Variants in EPHA3 observed in about 807,000 individuals in gnomAD.
EPHA3 encodes ephrin type-A receptor 3.
Under a neutral mutation model 107.1 loss-of-function variants are expected in EPHA3, and 42 were observed. The ratio of observed to expected loss-of-function variants is 0.39; its 90% CI spans 0.31 to 0.51. The LOEUF (loss-of-function observed/expected upper bound fraction) is 0.51, where lower values mean the gene tolerates loss of function less well. EPHA3 is among the 20% of genes least tolerant of loss of function. The pLI, the probability that EPHA3 is intolerant of heterozygous loss-of-function variation, is 0.78. For synonymous variants in EPHA3, 461 were observed against 424.8 expected (o/e 1.09, Z -1.05); for missense variants, 1,183 against 1,211.2 (o/e 0.98, Z 0.35).
At chr3:89,439,374 C>T (rs1257241779) in intron 13 of EPHA3, among the ~76,000 whole-genome samples, 1 of 152,076 alleles carries the variant, frequency 6.6e-6, no homozygotes, top group Non-Finnish European at 1.5e-5. Flanking sequence ...GGGAGGGTCG[C>T]TTGAGCCCAG....
At chr3:89,138,305 C>A (rs1559748431) in intron 2 of EPHA3, among the ~76,000 whole-genome samples, 1 of 151,728 alleles carries the variant, frequency 6.6e-6, no homozygotes, top group East Asian at 1.9e-4. Context: ...CTCATGTATT[C>A]TTGGAATTTA....
At position 89,127,270 on chromosome 3, in the gene EPHA3, T is replaced by A; in HGVS notation, c.150T>A (p.His50Gln). The A allele has an allele frequency of 6.2e-7, 1 of 1,611,374 alleles. No individual in the cohort carries two copies. Among genetic ancestry groups the A allele is most frequent in the Non-Finnish European group, 8.5e-7 (1 of 1,177,836 alleles). ...TGGGCTGGATCTCTTATCCATCACA[T>A]GGGGTGAGTTCAATAAACTATCACA... Reference protein sequence around the residue: ...GELGWISYPSHGWEEISGVDE... With the variant: ...GELGWISYPSQGWEEISGVDE... The change falls in exon 2 of 17, where the codon CAT (histidine) becomes CAA (glutamine). Residue 50 changes from histidine (H) to glutamine (Q), a missense_variant. Physicochemically the swap from His to Gln is conservative, Grantham distance 24. Transcript: ENST00000336596.
At chr3:89,380,733 A>G (rs1024257729) in intron 5 of EPHA3, among the ~76,000 whole-genome samples, 1 of 151,912 alleles carries the variant, frequency 6.6e-6, no homozygotes, top group Non-Finnish European at 1.5e-5. Context: ...TAAGTGTACT[A>G]TAAACTGTGA....
chr3:89,109,396 T>G (rs1483446221), intron 1 of EPHA3, among the ~76,000 whole-genome samples: 1 of 152,046 alleles, frequency 6.6e-6, no homozygotes, highest in Non-Finnish European at 1.5e-5. Flanking sequence ...AAATTTTTGT[T>G]CTTTGCAGAT....
chr3:89,445,269 T>G (rs1023284186), intron 13 of EPHA3, among the ~76,000 whole-genome samples: 3 of 152,044 alleles, frequency 2.0e-5, no homozygotes, highest in African/African-American at 7.3e-5. Context: ...ACTTCAACAC[T>G]AAAATTGGGC....
At chr3:89,268,876 A>G (rs1216388537) in intron 3 of EPHA3, among the ~76,000 whole-genome samples, 1 of 151,744 alleles carries the variant, frequency 6.6e-6, no homozygotes, top group Non-Finnish European at 1.5e-5. Flanking sequence ...GTGATAAATG[A>G]TATAATTTTT....
chr3:89,345,224 C>T (rs1224563000), intron 5 of EPHA3, among the ~76,000 whole-genome samples: 2 of 151,070 alleles, frequency 1.3e-5, no homozygotes, highest in African/African-American at 4.8e-5. Flanking sequence ...ATGTATGTGG[C>T]CTTGGGGTTT....
At chr3:89,278,049 G>A (rs907163022) in intron 3 of EPHA3, among the ~76,000 whole-genome samples, 1 of 152,078 alleles carries the variant, frequency 6.6e-6, no homozygotes, top group Non-Finnish European at 1.5e-5. Flanking sequence ...TTTATGATGG[G>A]TTTATACTTT....
At chr3:89,125,318 G>T (rs1559742079) in intron 1 of EPHA3, among the ~76,000 whole-genome samples, 1 of 151,524 alleles carries the variant, frequency 6.6e-6, no homozygotes, top group East Asian at 1.9e-4. Context: ...TTAAATGATT[G>T]GTATCACACA....
At chr3:89,397,824 C>T (rs1708881118) in intron 6 of EPHA3, among the ~76,000 whole-genome samples, 1 of 152,144 alleles carries the variant, frequency 6.6e-6, no homozygotes, top group African/African-American at 2.4e-5. Context: ...CTCAGGTGAT[C>T]CACCCGCCTG....
chr3:89,331,334 A>G (rs952941142), intron 3 of EPHA3, among the ~76,000 whole-genome samples: 8 of 152,218 alleles, frequency 5.3e-5, no homozygotes, highest in African/African-American at 1.9e-4. Flanking sequence ...CAACAAAATT[A>G]TATATACATT....
chr3:89,241,994 A>C (rs1704907151), intron 3 of EPHA3, among the ~76,000 whole-genome samples: 1 of 152,188 alleles, frequency 6.6e-6, no homozygotes, highest in Non-Finnish European at 1.5e-5. Flanking sequence ...TCTCTGCATC[A>C]GAAAACAAGA....
chr3:89,200,101 C>T (rs938704719), intron 2 of EPHA3, among the ~76,000 whole-genome samples: 59 of 152,184 alleles, frequency 3.9e-4, no homozygotes, highest in African/African-American at 1.4e-3. Flanking sequence ...GAACAGCTAT[C>T]CTGTCTATCT....
chr3:89,397,764 G>C (rs183521760), intron 6 of EPHA3, among the ~76,000 whole-genome samples: 1,717 of 152,164 alleles, frequency 0.011, 38 homozygotes, highest in African/African-American at 0.039. Flanking sequence ...TGTATTTTTA[G>C]TAGAGATGAG....
At chr3:89,290,162 T>C (rs185821493) in intron 3 of EPHA3, among the ~76,000 whole-genome samples, 1 of 152,254 alleles carries the variant, frequency 6.6e-6, no homozygotes, top group Admixed American at 6.6e-5. Context: ...TTTCTTCTTA[T>C]CATTCTAACT....
intron 3 of EPHA3, among the ~76,000 whole-genome samples, chr3:89,291,467 A>G (rs1706204699): frequency 6.6e-6 from 1 of 152,164 alleles, no homozygotes; most frequent in Admixed American, 6.6e-5. Flanking sequence ...AGAGACAGAT[A>G]TATAGAGATA....
intron 2 of EPHA3, among the ~76,000 whole-genome samples, chr3:89,165,621 ATGTTATTACCTTCAAAAAAATG>A (rs1383742162): frequency 6.6e-6 from 1 of 152,152 alleles, no homozygotes; most frequent in Non-Finnish European, 1.5e-5. Flanking sequence ...TTAATTTTTA[ATGTTATTACCTTCAAAAAAATG>A]TGTTACTTTT....
chr3:89,435,713 G>A (rs1709656051), intron 13 of EPHA3, among the ~76,000 whole-genome samples: 1 of 149,482 alleles, frequency 6.7e-6, no homozygotes, highest in Non-Finnish European at 1.5e-5. Context: ...AGCACTTTGA[G>A]AGGCTAAAGC....
chr3:89,371,647 G>T (rs1708305934), intron 5 of EPHA3, among the ~76,000 whole-genome samples: 1 of 151,512 alleles, frequency 6.6e-6, no homozygotes, highest in African/African-American at 2.4e-5. Flanking sequence ...TTTAAGGGAA[G>T]TCTGTTAATG....
Sources: allele counts gnomAD v4.1 joint callset (sites outside exome capture counted in the v4.1 genomes callset), GRCh38; gene constraint gnomAD v4.1.1; transcripts MANE v1.5; gene names NCBI Gene and HGNC (gene_info 2026-07-23, HGNC 2026-07-21).